Variants in DGKK observed in about 807,000 individuals in gnomAD.
DGKK encodes diacylglycerol kinase kappa, also known as 142 kDa diacylglycerol kinase.
In DGKK, 35 loss-of-function variants were observed where a neutral mutation model predicts 92.2. That is an observed-to-expected ratio of 0.38 (90% CI 0.29 to 0.50). The LOEUF (loss-of-function observed/expected upper bound fraction) is 0.50, where lower values mean the gene tolerates loss of function less well. DGKK is among the 20% of genes least tolerant of loss of function. The pLI is 0.92. For synonymous variants in DGKK, 368 were observed against 360.6 expected (o/e 1.02, Z -0.23); for missense variants, 910 against 992.2 (o/e 0.92, Z 1.11).
intron 1 of DGKK, among the ~76,000 whole-genome samples, chrX:50,457,171 A>G (rs2147151006): frequency 8.9e-6 from 1 of 111,847 alleles, no homozygotes; most frequent in East Asian, 2.8e-4. Flanking sequence ...GAACATTAGC[A>G]TATTAAAATG....
intron 1 of DGKK, among the ~76,000 whole-genome samples, chrX:50,457,275 T>C (rs1557232957): frequency 8.9e-6 from 1 of 111,779 alleles, no homozygotes; most frequent in Non-Finnish European, 1.9e-5. Flanking sequence ...CTTCATTTTA[T>C]AGTTGCTGCA....
chrX:50,462,994 C>A (rs1191553031), intron 1 of DGKK, among the ~76,000 whole-genome samples: 3 of 99,145 alleles, frequency 3.0e-5, no homozygotes, highest in Non-Finnish European at 6.1e-5. Context: ...CCACCCCCCC[C>A]ACACGCACAT....
In DGKK at chrX:50,384,722, C is replaced by T. The variant is rs868996213; in HGVS notation, c.2450G>A (p.Arg817His). ...GAAGAAGACAGAAAGATCCTTACGG[C>T]GTCGTGGGCTTGTCTGGTTAATATC... ...PEDINQTSPR[R>H]RSRRGTLSSI... Residue 817 changes from arginine to histidine, a missense_variant and splice_region_variant, in exon 16 of 28, where the codon CGC becomes CAC. Physicochemically the swap from Arg to His is conservative, Grantham distance 29 (BLOSUM62 0). Transcript: ENST00000611977. The T allele has an allele frequency of 8.3e-6, 10 of 1,205,235 alleles. No individual in the cohort carries two copies. Among genetic ancestry groups the T allele is most frequent in the Non-Finnish European group, 1.1e-5 (10 of 891,085 alleles).
rs782458842 is a variant in DGKK at position 50,387,670 on chromosome X, G to A, written c.2019-17C>T. Reference sequence around the variant, plus strand: ...CACAAGAATCTGGAAAGATAAAATAGATGGCACAATGTTACATGAACCATG... The same window carrying A: ...CACAAGAATCTGGAAAGATAAAATAAATGGCACAATGTTACATGAACCATG... On this transcript the variant is annotated splice_polypyrimidine_tract_variant and intron_variant, in intron 13 of 27. Transcript: ENST00000611977. 2 of 1,123,624 alleles carry A rather than the reference G, an allele frequency of 1.8e-6. No individual in the cohort carries two copies. Among genetic ancestry groups the A allele is most frequent in the South Asian group, 1.9e-5 (1 of 54,007 alleles). 92.6% of individuals were successfully genotyped at this position (1,123,624 alleles called of 1,213,427 possible). A position where few individuals can be genotyped will look rare whatever the true frequency, so the allele number is the denominator to read the frequency against.
At chrX:50,382,652 C>T (rs1557224567) in intron 17 of DGKK, 49 bp from the exon 18 acceptor site, 3 of 1,020,805 alleles carry the variant, frequency 2.9e-6, no homozygotes, top group East Asian at 3.1e-5. Context: ...GAAAGAAGTG[C>T]CGCTATCAAT....
intron 25 of DGKK, among the ~76,000 whole-genome samples, chrX:50,374,222 G>A (rs782363241): frequency 1.8e-5 from 2 of 111,958 alleles, no homozygotes; most frequent in Non-Finnish European, 3.8e-5. Context: ...AATCCAATGT[G>A]ACTGGTGTCC....
chrX:50,424,477 A>G, intron 1 of DGKK, 119 bp from the exon 2 acceptor site: 1 of 628,301 alleles, frequency 1.6e-6, no homozygotes, highest in Non-Finnish European at 2.4e-6. Context: ...TATCTGAGAA[A>G]TGGCCTGAAG....
chrX:50,429,646 G>A (rs782541796), intron 1 of DGKK, among the ~76,000 whole-genome samples: 7 of 112,164 alleles, frequency 6.2e-5, no homozygotes, highest in African/African-American at 9.7e-5. Context: ...CCGAGATCGC[G>A]CCACTGCACT....
intron 27 of DGKK, 127 bp downstream of exon 27, chrX:50,370,299 C>T: frequency 1.1e-6 from 1 of 878,338 alleles, no homozygotes; most frequent in East Asian, 3.5e-5. Context: ...TGCTGACTCC[C>T]AGATGGCCTC....
chrX:50,380,345 G>A (rs1282064101), intron 18 of DGKK, among the ~76,000 whole-genome samples: 1 of 110,723 alleles, frequency 9.0e-6, no homozygotes, highest in Non-Finnish European at 1.9e-5. Context: ...TCCAGACTTG[G>A]AAGAAACAGG....
chrX:50,416,450 C>T (rs1210663398), intron 4 of DGKK, among the ~76,000 whole-genome samples: 3 of 112,517 alleles, frequency 2.7e-5, no homozygotes, highest in Non-Finnish European at 5.6e-5. Flanking sequence ...TTGCAAAGTA[C>T]ATAAAAGTAT....
intron 27 of DGKK, 114 bp downstream of exon 27, chrX:50,370,312 G>T: frequency 1.0e-6 from 1 of 971,034 alleles, no homozygotes; most frequent in Non-Finnish European, 1.4e-6. Context: ...ATGGCCTCCC[G>T]CTTCATCATC....
rs368516230 is a variant in DGKK, at chrX:50,390,429, C to T, written c.1845-20G>A. 4.6e-5 allele frequency: 55 copies of T among 1,182,817 alleles called. No homozygotes were observed. The highest frequency in any genetic ancestry group is 4.6e-4 in the African/African-American group (26 of 56,315). On this transcript the variant is annotated intron_variant, in intron 11 of 27. Transcript: ENST00000611977. ...CTCCATCTGAAATGAATTTCAAAGACGGATATTTAAGGGTCTGTTTCATGA... is the reference window on the plus strand; with the variant it reads ...CTCCATCTGAAATGAATTTCAAAGATGGATATTTAAGGGTCTGTTTCATGA...
In DGKK at chrX:50,424,350, C is replaced by CTG; in HGVS notation, c.653_654insCA (p.Leu218PhefsTer8). On this transcript the variant is annotated frameshift_variant, in exon 2 of 28. Coordinates refer to ENST00000611977, the MANE Select transcript of DGKK (RefSeq NM_001013742.4). LOFTEE classifies it high-confidence loss of function. ...AGTTCTTCAGCATAGGTCCTTCCTT[C>CTG]AATATTTTCTGAAAGATAGAAGCAT... is the stretch of plus-strand genomic sequence containing the variant. The CTG allele has an allele frequency of 8.3e-7, 1 of 1,206,701 alleles. No individual in the cohort carries two copies. Among genetic ancestry groups the CTG allele is most frequent in the Non-Finnish European group, 1.1e-6 (1 of 891,586 alleles).
At chrX:50,468,791 G>A (rs1204518247) in intron 1 of DGKK, among the ~76,000 whole-genome samples, 1 of 110,481 alleles carries the variant, frequency 9.1e-6, no homozygotes, top group African/African-American at 3.3e-5. Flanking sequence ...GGGTTCCTGA[G>A]CCGTGTCCTT....
intron 8 of DGKK, among the ~76,000 whole-genome samples, chrX:50,399,331 G>A (rs936212154): frequency 1.8e-5 from 2 of 111,691 alleles, no homozygotes; most frequent in Non-Finnish European, 3.8e-5. Flanking sequence ...ATGTTGTAAC[G>A]GCTACAGGAA....
At position 50,437,105 on chromosome X, in the gene DGKK, C is replaced by T. The variant is rs1410871991; in HGVS notation, c.646-12747G>A. ...AAAAATTAACGTGGCCATACAATTA[C>T]GCACAAAAGCATCACACAAGGATCT... On this transcript the variant is annotated intron_variant, in intron 1 of 27. Transcript: ENST00000611977. Among the ~76,000 whole-genome samples, 7 of 111,374 alleles carry T rather than the reference C, an allele frequency of 6.3e-5. No homozygotes were observed. In the East Asian group the frequency reaches 1.1e-3, roughly 18 times the overall value.
At chrX:50,387,744 C>T (rs911510618) in intron 13 of DGKK, 91 bp from the exon 14 acceptor site, 3 of 579,631 alleles carry the variant, frequency 5.2e-6, no homozygotes, top group Non-Finnish European at 8.2e-6. Flanking sequence ...TCCTCCTCCT[C>T]TCTCTCTTTC....
At chrX:50,428,195 AATTATT>A (rs10665078) in intron 1 of DGKK, among the ~76,000 whole-genome samples, 4 of 105,363 alleles carry the variant, frequency 3.8e-5, no homozygotes, top group African/African-American at 7.0e-5. Context: ...TCCAATAATA[AATTATT>A]ATTATTATTA....
Sources: gnomAD v4.1 joint callset for allele counts (sites outside exome capture counted in the v4.1 genomes callset) on GRCh38, gnomAD v4.1.1 for gene constraint, MANE v1.5 for transcripts, NCBI Gene and HGNC (gene_info 2026-07-23, HGNC 2026-07-21) for gene names.